RNF146: variants seen among roughly 807,000 people sequenced by gnomAD.
The protein encoded by RNF146 is ring finger protein 146.
A neutral mutation model predicts 29.7 loss-of-function variants in RNF146; 11 were observed. The ratio of observed to expected loss-of-function variants is 0.37; its 90% CI spans 0.23 to 0.61. The LOEUF is 0.61. Among genes scored for constraint, RNF146 ranks in the 20% least tolerant of loss-of-function variants. The pLI is 0.66. For synonymous variants in RNF146, 150 were observed against 159.7 expected, an observed-to-expected ratio of 0.94 and a Z score of 0.46; for missense variants, 342 against 438.9, an observed-to-expected ratio of 0.78 and a Z score of 1.97.
intron 1 of RNF146, among the ~76,000 whole-genome samples, chr6:127,272,932 C>T (rs970945288): frequency 1.3e-5 from 2 of 152,188 alleles, no homozygotes; most frequent in African/African-American, 4.8e-5. Context: ...AGAAAAAATA[C>T]ATTTACAGTA....
rs1297691316 is a variant in RNF146 at position 127,286,408 on chromosome 6, C to T, written c.3-208C>T. 3 of 646,916 alleles carry T rather than the reference C, an allele frequency of 4.6e-6. No individual in the cohort carries two copies. The highest frequency in any genetic ancestry group is 4.3e-4 in the Middle Eastern group (1 of 2,338). 40.1% of individuals were successfully genotyped at this position (646,916 alleles called of 1,614,324 possible). On this transcript the variant is annotated intron_variant, in intron 2 of 2. Transcript: ENST00000368314. This position sits in a 1 kb window ranked among gnomAD's most constrained non-coding sequence, Gnocchi z 4.6. ...TAAGTGCACTGATGGAATTTTTATACATTCCCAAGGTATGTACAAGTAGAT... is the reference window on the plus strand; with the variant it reads ...TAAGTGCACTGATGGAATTTTTATATATTCCCAAGGTATGTACAAGTAGAT...
At chr6:127,269,698 G>A (rs1235980734) in intron 1 of RNF146, among the ~76,000 whole-genome samples, 1 of 152,046 alleles carries the variant, frequency 6.6e-6, no homozygotes, top group African/African-American at 2.4e-5. Context: ...AGACATTAGG[G>A]CATTTAGTTA....
At chr6:127,268,935 C>CT in intron 1 of RNF146, among the ~76,000 whole-genome samples, 1 of 152,002 alleles carries the variant, frequency 6.6e-6, no homozygotes, top group Non-Finnish European at 1.5e-5. Flanking sequence ...CAATATCGAT[C>CT]TTTTTAAAGA....
chr6:127,268,748 CAA>C (rs967875811), intron 1 of RNF146, among the ~76,000 whole-genome samples: 1 of 151,666 alleles, frequency 6.6e-6, no homozygotes, highest in Non-Finnish European at 1.5e-5. Flanking sequence ...GTCTTTTAGA[CAA>C]GAGAAGAAAA....
upstream of RNF146, chr6:127,266,733 G>A (rs1026443776): frequency 5.3e-5 from 8 of 152,196 alleles, no homozygotes; most frequent in Non-Finnish European, 1.2e-4. Context: ...GGCAGACAGC[G>A]GCGCGAGACA....
chr6:127,281,299 C>T (rs1001657207), intron 2 of RNF146, among the ~76,000 whole-genome samples: 1 of 151,588 alleles, frequency 6.6e-6, no homozygotes, highest in Non-Finnish European at 1.5e-5. Flanking sequence ...ATTTATCTAT[C>T]TGTATACATT....
intron 1 of RNF146, among the ~76,000 whole-genome samples, chr6:127,275,695 C>T (rs1364982079): frequency 6.6e-6 from 1 of 151,890 alleles, no homozygotes; most frequent in Non-Finnish European, 1.5e-5. Context: ...TGGAGGTAGT[C>T]AGAGAAAATG....
intron 1 of RNF146, among the ~76,000 whole-genome samples, chr6:127,268,362 GA>G (rs1198067888): frequency 6.6e-6 from 1 of 152,218 alleles, no homozygotes; most frequent in East Asian, 1.9e-4. Context: ...GACACGTGGA[GA>G]AAATGTCCCA....
chr6:127,285,321 G>T (rs1254191529), intron 2 of RNF146: 4 of 984,926 alleles, frequency 4.1e-6, no homozygotes, highest in Non-Finnish European at 4.8e-6. Context: ...GATAGCCTAG[G>T]ATTATTGTTT....
rs117704463 is a variant in RNF146, at chr6:127,276,252, A to G, written c.-108-3979A>G. ...TGACACAAGATAATCAGGCTGAACA[A>G]TAGTCCAGGTGAGAGTTATGTAGGT... On this transcript the variant is annotated intron_variant, in intron 1 of 2. Coordinates refer to ENST00000368314, the MANE Select transcript of RNF146 (RefSeq NM_001242850.2). Among the ~76,000 whole-genome samples the G allele has an allele frequency of 6.6e-3, 998 of 152,164 alleles. 11 individuals are homozygous for G. Among genetic ancestry groups the G allele is most frequent in the Non-Finnish European group, 9.5e-3 (649 of 67,988 alleles).
intron 1 of RNF146, among the ~76,000 whole-genome samples, chr6:127,271,736 G>C (rs1360433202): frequency 6.6e-6 from 1 of 152,154 alleles, no homozygotes; most frequent in Non-Finnish European, 1.5e-5. Context: ...AATTTATATT[G>C]AAACATACTG....
chr6:127,280,542 GTCTC>G (rs745508261), intron 2 of RNF146: 18 of 1,246,050 alleles, frequency 1.4e-5, no homozygotes, highest in Non-Finnish European at 1.8e-5. Flanking sequence ...AAAAGGAAAA[GTCTC>G]TATAAGAAAA....
chr6:127,285,519 T>G (rs1387625488), intron 2 of RNF146, among the ~76,000 whole-genome samples: 1 of 133,522 alleles, frequency 7.5e-6, no homozygotes, highest in Non-Finnish European at 1.6e-5. Context: ...TTTCTCCCCT[T>G]TTAAAATGTC....
chr6:127,287,171 T>G lies in RNF146; in HGVS notation c.558T>G (p.Asp186Glu), dbSNP rs1582905944. 1 of 1,613,354 alleles carries G rather than the reference T, an allele frequency of 6.2e-7. No individual in the cohort carries two copies. The highest frequency in any genetic ancestry group is 8.5e-7 in the Non-Finnish European group (1 of 1,179,606). Residue 186 changes from aspartate (D) to glutamate (E), a missense_variant, in exon 3 of 3, where the codon GAT becomes GAG. Coordinates refer to ENST00000368314, the MANE Select transcript of RNF146 (RefSeq NM_001242850.2). ...TAGCTGGACTTAGGCTAGACTGTGA[T>G]GCTAATACCGTAAACCTAGCAAGAG... ...KGVAGLRLDC[D>E]ANTVNLARES...
At chr6:127,274,115 A>G (rs189675617) in intron 1 of RNF146, among the ~76,000 whole-genome samples, 7 of 152,222 alleles carry the variant, frequency 4.6e-5, no homozygotes, top group Admixed American at 4.6e-4. Flanking sequence ...GAATTTAATC[A>G]TTAGTCTTCA....
intron 1 of RNF146, among the ~76,000 whole-genome samples, chr6:127,275,763 T>C (rs2114453210): frequency 6.6e-6 from 1 of 152,194 alleles, no homozygotes. Context: ...TCATAAGCTG[T>C]AAAAGGGAAT....
chr6:127,280,813 C>T (rs1778820952), intron 2 of RNF146: 2 of 152,190 alleles, frequency 1.3e-5, no homozygotes. Context: ...TATCACTTCA[C>T]TCTGATCCCC....
intron 1 of RNF146, among the ~76,000 whole-genome samples, chr6:127,276,008 G>A (rs796841729): frequency 8.3e-4 from 126 of 152,100 alleles, no homozygotes; most frequent in African/African-American, 2.9e-3. Context: ...AAGAAACCTG[G>A]TCCATTTTGC....
In RNF146 at chr6:127,280,226, T is replaced by G; in HGVS notation, c.-108-5T>G. 1.0e-6 allele frequency: 1 copy of G among 1,004,042 alleles called. No homozygotes were observed. The highest frequency in any genetic ancestry group is 1.5e-6 in the Non-Finnish European group (1 of 663,912). 62.2% of individuals were successfully genotyped at this position (1,004,042 alleles called of 1,614,324 possible). On this transcript the variant is annotated splice_polypyrimidine_tract_variant and splice_region_variant and intron_variant, in intron 1 of 2. Coordinates refer to ENST00000368314, the MANE Select transcript of RNF146 (RefSeq NM_001242850.2). ...GATCTTAATTACTCTTTTTTTCTTT[T>G]GCAGCACAAAGAATGAACCAGCAGT...
Sources: allele counts gnomAD v4.1 joint callset (sites outside exome capture counted in the v4.1 genomes callset), GRCh38; gene constraint gnomAD v4.1.1; non-coding constraint Gnocchi (gnomAD v3.1); transcripts MANE v1.5; gene names NCBI Gene and HGNC (gene_info 2026-07-23, HGNC 2026-07-21).